Variants in MACROD1 observed in about 807,000 individuals in gnomAD.
MACROD1 encodes the protein ADP-ribose glycohydrolase MACROD1.
Under a neutral mutation model 41.4 loss-of-function variants are expected in MACROD1, and 31 were observed. That is an observed-to-expected ratio of 0.75 (90% confidence interval 0.56 to 1.01). MACROD1 has a LOEUF of 1.01. Ranked by LOEUF, MACROD1 falls within the 50% of genes least tolerant of loss-of-function variation. The pLI is 0.00. For missense variants in MACROD1, 473 were observed against 460.0 expected, an observed-to-expected ratio of 1.03 and a Z score of -0.26; for synonymous variants, 252 against 203.4, an observed-to-expected ratio of 1.24 and a Z score of -2.03.
intron 3 of MACROD1, among the ~76,000 whole-genome samples, chr11:64,038,948 G>A (rs1943433628): frequency 1.3e-5 from 2 of 152,228 alleles, no homozygotes; most frequent in African/African-American, 4.8e-5. Flanking sequence ...TTGAGAGGAT[G>A]CGTATGAGGT....
intron 3 of MACROD1, among the ~76,000 whole-genome samples, chr11:64,041,340 C>A (rs1051076948): frequency 3.9e-5 from 6 of 152,022 alleles, no homozygotes; most frequent in East Asian, 1.9e-4. Context: ...TGCTGCCCCC[C>A]ACCCCTCCAC....
At chr11:64,147,395 C>CTTT (rs1278976301) in intron 3 of MACROD1, among the ~76,000 whole-genome samples, 4 of 129,494 alleles carry the variant, frequency 3.1e-5, no homozygotes, top group Non-Finnish European at 6.7e-5. Flanking sequence ...TTCTTTCTTT[C>CTTT]TTTTTTTTTT....
chr11:64,126,755 G>A (rs1945188600), intron 3 of MACROD1: 1 of 151,282 alleles, frequency 6.6e-6, no homozygotes, highest in African/African-American at 2.4e-5. Context: ...AGAGGGAGCA[G>A]GCCTGATCTC....
chr11:64,031,944 C>T (rs1265104845), intron 3 of MACROD1, among the ~76,000 whole-genome samples: 1 of 152,222 alleles, frequency 6.6e-6, no homozygotes, highest in African/African-American at 2.4e-5. Flanking sequence ...GAGGTGATAC[C>T]CAGGCTGGGG....
intron 3 of MACROD1, among the ~76,000 whole-genome samples, chr11:64,059,834 GC>G (rs1211766225): frequency 6.6e-6 from 1 of 152,152 alleles, no homozygotes; most frequent in Non-Finnish European, 1.5e-5. Flanking sequence ...CGAGAGGCCC[GC>G]CCCTAGGCGC....
chr11:64,151,161 C>G, intron 3 of MACROD1, 78 bp downstream of exon 3: 1 of 1,269,740 alleles, frequency 7.9e-7, no homozygotes, highest in Admixed American at 1.8e-5. Context: ...AGGTGGCGTC[C>G]ACCCAGGCCT....
intron 3 of MACROD1, among the ~76,000 whole-genome samples, chr11:64,042,237 G>C (rs950478350): frequency 6.6e-6 from 1 of 152,148 alleles, no homozygotes. Context: ...TCTTCCCTGA[G>C]CCAGCCTGAG....
At chr11:64,070,010 C>T (rs540091755) in intron 3 of MACROD1, among the ~76,000 whole-genome samples, 3 of 152,216 alleles carry the variant, frequency 2.0e-5, no homozygotes, top group Admixed American at 6.5e-5. Context: ...GGGGGACAGG[C>T]GGGGATGGTG....
At position 64,054,875 on chromosome 11, in the gene MACROD1, G is replaced by A. The variant is rs558623136; in HGVS notation, c.518-39594C>T. Among the ~76,000 whole-genome samples, 50 of 151,878 alleles carry A rather than the reference G, an allele frequency of 3.3e-4. No individual in the cohort carries two copies. In the East Asian group the frequency reaches 6.0e-3, roughly 18 times the overall value. On this transcript the variant is annotated intron_variant, in intron 3 of 10. Transcript: ENST00000255681. ...TTTTAAGGGAATTCTAGCATCTCCC[G>A]TGACAAATACCCCCACTACTCTTTC...
chr11:64,150,508 A>C (rs541173333), intron 3 of MACROD1, among the ~76,000 whole-genome samples: 12 of 152,192 alleles, frequency 7.9e-5, no homozygotes, highest in Non-Finnish European at 1.6e-4. Context: ...CCAGGTAAGC[A>C]AAGGAGCAAG....
In MACROD1 at chr11:64,015,298, C is replaced by T. The variant is rs764289474; in HGVS notation, c.518-17G>A. ...AGCTGTTGGCTGCAAGAGAGAGAGA[C>T]AAAGGCAGATCAGTGGGGAAGGGGC... On this transcript the variant is annotated splice_polypyrimidine_tract_variant and intron_variant, in intron 3 of 10. Transcript: ENST00000255681. 1 of 1,603,808 alleles carries T rather than the reference C, an allele frequency of 6.2e-7. No individual in the cohort carries two copies. The highest frequency in any genetic ancestry group is 1.1e-5 in the South Asian group (1 of 89,100).
intron 3 of MACROD1, among the ~76,000 whole-genome samples, chr11:64,045,126 C>T (rs1943559796): frequency 6.6e-6 from 1 of 152,148 alleles, no homozygotes; most frequent in African/African-American, 2.4e-5. Context: ...TGTGCTTCTG[C>T]CTCGGCCGAG....
At chr11:64,131,720 G>A (rs1449132982) in intron 3 of MACROD1, among the ~76,000 whole-genome samples, 3 of 152,164 alleles carry the variant, frequency 2.0e-5, no homozygotes, top group Admixed American at 6.5e-5. Flanking sequence ...AGCCTTTATT[G>A]AGCACCTACT....
intron 3 of MACROD1, among the ~76,000 whole-genome samples, chr11:64,114,513 A>ACAGG: frequency 6.7e-6 from 1 of 148,574 alleles, no homozygotes; most frequent in Non-Finnish European, 1.5e-5. Flanking sequence ...GGATGAATGG[A>ACAGG]TGGATGGATG....
At chr11:64,074,897 C>G (rs992248291) in intron 3 of MACROD1, among the ~76,000 whole-genome samples, 1 of 152,204 alleles carries the variant, frequency 6.6e-6, no homozygotes, top group Admixed American at 6.5e-5. Flanking sequence ...CATCTGGGAG[C>G]CTCCTGCAGG....
intron 1 of MACROD1, among the ~76,000 whole-genome samples, chr11:64,163,600 C>T (rs1009957677): frequency 6.6e-5 from 10 of 152,162 alleles, no homozygotes; most frequent in African/African-American, 1.9e-4. Context: ...AGTGACCAAC[C>T]GAGGCCTCTC....
intron 3 of MACROD1, among the ~76,000 whole-genome samples, chr11:64,128,543 C>A (rs759639324): frequency 6.6e-6 from 1 of 152,046 alleles, no homozygotes; most frequent in Non-Finnish European, 1.5e-5. Context: ...AGGCCTGGCA[C>A]GCCGCCCGCC....
chr11:64,050,444 A>T (rs980438632), intron 3 of MACROD1, among the ~76,000 whole-genome samples: 6 of 152,188 alleles, frequency 3.9e-5, no homozygotes, highest in Admixed American at 3.3e-4. Context: ...GGGGACCCAG[A>T]TGCCCGGGCA....
chr11:64,066,072 G>A (rs1462959257), intron 3 of MACROD1, among the ~76,000 whole-genome samples: 3 of 152,020 alleles, frequency 2.0e-5, no homozygotes, highest in South Asian at 2.1e-4. Context: ...TGAGGTGGGC[G>A]GATCACCTGA....
Sources: gnomAD v4.1 joint callset for allele counts (sites outside exome capture counted in the v4.1 genomes callset) on GRCh38, gnomAD v4.1.1 for gene constraint, MANE v1.5 for transcripts, NCBI Gene and HGNC (gene_info 2026-07-23, HGNC 2026-07-21) for gene names.